Variants in HSD17B4 observed in about 807,000 individuals in gnomAD.
The protein encoded by HSD17B4 is peroxisomal multifunctional enzyme type 2.
HSD17B4 carries 70 observed loss-of-function variants against 101.0 expected under a neutral mutation model. The observed-to-expected ratio is 0.69, with a 90% CI of 0.57 to 0.85. The LOEUF is 0.85. Among genes scored for constraint, HSD17B4 ranks in the 40% least tolerant of loss-of-function variants. The pLI is 0.00. For missense variants in HSD17B4, 984 were observed against 892.4 expected (o/e 1.10, Z -1.31); for synonymous variants, 347 against 297.1 (o/e 1.17, Z -1.73).
chr5:119,501,712 G>A (rs1751181286), intron 13 of HSD17B4, among the ~76,000 whole-genome samples: 1 of 152,088 alleles, frequency 6.6e-6, no homozygotes, highest in Non-Finnish European at 1.5e-5. Context: ...TGCCCAATAT[G>A]TTCCAGGCAC....
Position 119,492,115 on chromosome 5 carries a change from A to G in HSD17B4, c.730A>G (p.Ile244Val). 1 of 1,607,430 alleles carries G rather than the reference A, an allele frequency of 6.2e-7. No individual in the cohort carries two copies. The highest frequency in any genetic ancestry group is 8.5e-7 in the Non-Finnish European group (1 of 1,174,194). ...TTTTTGGTAGGTTGGAGCAGGATGG[A>G]TTGGAAAATGTAAGTCTCTCTCAGT... ...GGLFEVGAGW[I>V]GKLRWERTLG... The change falls in exon 10 of 24, where the codon ATT becomes GTT. Residue 244 changes from isoleucine to valine, a missense_variant. Physicochemically the swap from Ile to Val is conservative, Grantham distance 29 (BLOSUM62 3). Coordinates refer to ENST00000510025, the MANE Select transcript of HSD17B4 (RefSeq NM_000414.4).
intron 1 of HSD17B4, chr5:119,452,934 C>G: frequency 8.4e-7 from 1 of 1,195,152 alleles, no homozygotes; most frequent in East Asian, 2.6e-5. Context: ...CTCCCTGACC[C>G]TTATCTGTGG....
chr5:119,480,573 G>T (rs982596089), intron 8 of HSD17B4, among the ~76,000 whole-genome samples: 1 of 152,164 alleles, frequency 6.6e-6, no homozygotes, highest in African/African-American at 2.4e-5. Context: ...GAGGCAGGGC[G>T]AGATCACAGG....
chr5:119,452,612 C>CT lies in HSD17B4; in HGVS notation c.38dup (p.Val14GlyfsTer27). The CT allele has an allele frequency of 6.2e-7, 1 of 1,614,008 alleles. No homozygotes were observed. The highest frequency in any genetic ancestry group is 8.5e-7 in the Non-Finnish European group (1 of 1,179,974). ...GCTGAGGTTCGACGGGCGGGTGGTA[C>CT]TGGTCACCGGCGCGGGGGCAGGTGA... On this transcript the variant is annotated frameshift_variant, in exon 1 of 24. Coordinates refer to ENST00000510025, the MANE Select transcript of HSD17B4 (RefSeq NM_000414.4). LOFTEE classifies it high-confidence loss of function.
At chr5:119,455,199 C>A (rs540175001) in intron 1 of HSD17B4, among the ~76,000 whole-genome samples, 1 of 152,294 alleles carries the variant, frequency 6.6e-6, no homozygotes, top group South Asian at 2.1e-4. Context: ...ATGTGTTTTT[C>A]CCGAGATACT....
At chr5:119,456,601 G>C (rs1407949865) in intron 2 of HSD17B4, 9 of 522,584 alleles carry the variant, frequency 1.7e-5, no homozygotes, top group Non-Finnish European at 3.1e-5. Context: ...AGGGCTAGGG[G>C]GTAGGCATGC....
Position 119,499,426 on chromosome 5 carries a change from T to C in HSD17B4, c.1082T>C (p.Leu361Ser). The change falls in exon 13 of 24, where the codon TTG becomes TCG. Residue 361 changes from leucine (L) to serine (S), a missense_variant. Transcript: ENST00000510025. Reference sequence around the variant, plus strand: ...GCGTCAATCAAGGATCCAAAAGATTTGAAATTTATTTATGAAGGAAGTTCT... The same window carrying C: ...GCGTCAATCAAGGATCCAAAAGATTCGAAATTTATTTATGAAGGAAGTTCT... Reference protein sequence around the residue: ...VGASIKDPKDLKFIYEGSSDF... With the variant: ...VGASIKDPKDSKFIYEGSSDF... 1 of 1,613,772 alleles carries C rather than the reference T, an allele frequency of 6.2e-7. No individual in the cohort carries two copies.
intron 2 of HSD17B4, among the ~76,000 whole-genome samples, chr5:119,464,148 C>T (rs1755569999): frequency 6.6e-6 from 1 of 151,992 alleles, no homozygotes; most frequent in African/African-American, 2.4e-5. Flanking sequence ...GTTGTCTCTT[C>T]ACTGTTGATT....
At chr5:119,509,585 A>G (rs897753669) in intron 16 of HSD17B4, 1 of 383,902 alleles carries the variant, frequency 2.6e-6, no homozygotes, top group African/African-American at 2.1e-5. Context: ...AGACAAGTGA[A>G]TGTTTATTTT....
chr5:119,532,757 A>G (rs1429080902), intron 22 of HSD17B4, among the ~76,000 whole-genome samples: 2 of 151,698 alleles, frequency 1.3e-5, no homozygotes, highest in African/African-American at 4.9e-5. Flanking sequence ...TAAGGGAGAT[A>G]AAGAATCAGA....
intron 21 of HSD17B4, 29 bp downstream of exon 21, chr5:119,530,009 A>C: frequency 7.7e-7 from 1 of 1,300,312 alleles, no homozygotes; most frequent in East Asian, 2.3e-5. Context: ...TATCCAAGCC[A>C]CTTCCTCATT....
rs144232278 is a variant in HSD17B4 at position 119,507,029 on chromosome 5, C to T, written c.1333+140C>T. Reference sequence around the variant, plus strand: ...AGAAAACAAGATAAGCATTTTTAAACTCTTTAAGAAAAATAAAGAAGGAGG... The same window carrying T: ...AGAAAACAAGATAAGCATTTTTAAATTCTTTAAGAAAAATAAAGAAGGAGG... On this transcript the variant is annotated intron_variant, in intron 15 of 23. Coordinates refer to ENST00000510025, the MANE Select transcript of HSD17B4 (RefSeq NM_000414.4). 3.1e-3 allele frequency: 1,698 copies of T among 546,334 alleles called. 5 individuals are homozygous for T. Among genetic ancestry groups the T allele is most frequent in the Non-Finnish European group, 3.6e-3 (1,074 of 301,884 alleles). The allele number at this position is 546,334 out of a possible 1,614,324, so 33.8% of individuals were successfully genotyped here. A position where few individuals can be genotyped will look rare whatever the true frequency, so the allele number is the denominator to read the frequency against.
chr5:119,492,873 G>A (rs1461917356), intron 10 of HSD17B4: 4 of 152,002 alleles, frequency 2.6e-5, no homozygotes, highest in Admixed American at 6.6e-5. Flanking sequence ...CTTATATTTA[G>A]TTGGCTATGG....
intron 7 of HSD17B4, 105 bp from the exon 8 acceptor site, chr5:119,478,729 C>T (rs934810724): frequency 2.0e-5 from 16 of 814,634 alleles, no homozygotes; most frequent in Non-Finnish European, 2.8e-5. Flanking sequence ...AATGACAGTA[C>T]ACATAGTTGC....
Position 119,474,400 on chromosome 5 carries a change from G to A in HSD17B4, c.221-1G>A. ...TTCATACAAATTTTCCTTTCCCTCA[G>A]ATTCAGTGGAAGAAGGAGAGAAGGT... is the stretch of plus-strand genomic sequence containing the variant. On this transcript the variant is annotated splice_acceptor_variant, in intron 3 of 23. Coordinates refer to ENST00000510025, the MANE Select transcript of HSD17B4 (RefSeq NM_000414.4). LOFTEE classifies it high-confidence loss of function. 6.2e-7 allele frequency: 1 copy of A among 1,604,268 alleles called. No individual in the cohort carries two copies. The highest frequency in any genetic ancestry group is 8.5e-7 in the Non-Finnish European group (1 of 1,171,202).
chr5:119,460,022 C>A (rs1035978554), intron 2 of HSD17B4, among the ~76,000 whole-genome samples: 3 of 152,026 alleles, frequency 2.0e-5, no homozygotes, highest in African/African-American at 7.2e-5. Context: ...AGGTGCCTGC[C>A]ACCGTGCCCA....
chr5:119,490,650 C>T (rs1305917724), intron 9 of HSD17B4, among the ~76,000 whole-genome samples: 1 of 152,034 alleles, frequency 6.6e-6, no homozygotes, highest in African/African-American at 2.4e-5. Flanking sequence ...TTCACTGCAA[C>T]CTCCGCCTCC....
At chr5:119,468,722 ACT>A (rs1325923356) in intron 2 of HSD17B4, among the ~76,000 whole-genome samples, 2 of 151,200 alleles carry the variant, frequency 1.3e-5, no homozygotes, top group Non-Finnish European at 2.9e-5. Context: ...TCCTTCTGTA[ACT>A]CTCAATATGT....
chr5:119,459,552 G>A lies in HSD17B4; in HGVS notation c.112+3184G>A, dbSNP rs543443749. ...CTTATAACAGAACACTTAAAACCGG[G>A]TAATGTATTTTAAAAAAGGAATTTA... On this transcript the variant is annotated intron_variant, in intron 2 of 23. Transcript: ENST00000510025. Among the ~76,000 whole-genome samples the A allele has an allele frequency of 7.9e-5, 12 of 152,296 alleles. No homozygotes were observed. In the East Asian group the frequency reaches 1.7e-3, roughly 22 times the overall value.
Sources: gnomAD v4.1 joint callset for allele counts (sites outside exome capture counted in the v4.1 genomes callset) on GRCh38, gnomAD v4.1.1 for gene constraint, MANE v1.5 for transcripts, NCBI Gene and HGNC (gene_info 2026-07-23, HGNC 2026-07-21) for gene names.